Variants in TRIM60 observed in about 807,000 individuals in gnomAD.
TRIM60 encodes tripartite motif containing 60.
For missense variants in TRIM60, 524 were observed against 540.8 expected (o/e 0.97, Z 0.31); for synonymous variants, 189 against 195.2 (o/e 0.97, Z 0.27).
At chr4:165,033,729 C>T (rs1374573760) in intron 1 of TRIM60, among the ~76,000 whole-genome samples, 1 of 152,180 alleles carries the variant, frequency 6.6e-6, no homozygotes, top group Non-Finnish European at 1.5e-5. Flanking sequence ...ATGAACAGAA[C>T]TCAACTGTGA....
At chr4:165,039,804 CA>C (rs34594955) in intron 2 of TRIM60, among the ~76,000 whole-genome samples, 32,521 of 83,392 alleles carry the variant, frequency 0.39, 3,328 homozygotes, top group Middle Eastern at 0.51. Flanking sequence ...GACTCCGTCT[CA>C]AAAAAAAAAA....
chr4:165,034,373 C>G (rs190935239), intron 1 of TRIM60, among the ~76,000 whole-genome samples: 80 of 152,192 alleles, frequency 5.3e-4, no homozygotes, highest in African/African-American at 1.9e-3. Context: ...AGGCTGGTCT[C>G]GAACTCCAGA....
intron 1 of TRIM60, among the ~76,000 whole-genome samples, chr4:165,037,280 G>C (rs931335557): frequency 2.0e-5 from 3 of 152,168 alleles, no homozygotes; most frequent in African/African-American, 7.2e-5. Flanking sequence ...ACACCAGTTA[G>C]TATTAGGACT....
chr4:165,038,806 G>T (rs901678515), intron 1 of TRIM60, among the ~76,000 whole-genome samples: 5 of 152,014 alleles, frequency 3.3e-5, no homozygotes, highest in Non-Finnish European at 5.9e-5. Context: ...AGGTGCGGTG[G>T]CTCACACCTG....
chr4:165,035,728 CT>C (rs60082479), intron 1 of TRIM60, among the ~76,000 whole-genome samples: 8,545 of 143,240 alleles, frequency 0.06, 633 homozygotes, highest in African/African-American at 0.18. Context: ...TTTTTTCTTT[CT>C]TTTTTTTTTT....
rs201640770 is a variant in TRIM60 at position 165,040,312 on chromosome 4, A to G, written c.240A>G (p.Gln80=). ...QLRNLTEIAK[Q]LQIRRSKRKR... ...GTAATTTGACTGAAATTGCTAAACA[A>G]CTCCAGATTAGGAGGAGCAAGAGAA... Residue 80 remains glutamine (Q), a synonymous_variant, in exon 3 of 3, where the codon CAA becomes CAG. Coordinates refer to ENST00000512596, the MANE Select transcript of TRIM60 (RefSeq NM_152620.3). 3 of 1,614,100 alleles carry G rather than the reference A, an allele frequency of 1.9e-6. No individual in the cohort carries two copies. Among genetic ancestry groups the G allele is most frequent in the Admixed American group, 1.7e-5 (1 of 60,008 alleles).
chr4:165,038,593 G>A (rs1212724938), intron 1 of TRIM60, among the ~76,000 whole-genome samples: 2 of 144,534 alleles, frequency 1.4e-5, no homozygotes, highest in African/African-American at 2.6e-5. Context: ...AAGAACCATG[G>A]TCATACCACT....
intron 1 of TRIM60, among the ~76,000 whole-genome samples, chr4:165,032,327 C>T (rs1389652426): frequency 1.3e-5 from 2 of 152,236 alleles, no homozygotes; most frequent in East Asian, 3.9e-4. Flanking sequence ...CGCCTCACTG[C>T]AACCTCCGCC....
intron 1 of TRIM60, 103 bp downstream of exon 1, chr4:165,032,215 T>A (rs184596978): frequency 2.6e-5 from 4 of 152,150 alleles, no homozygotes; most frequent in Admixed American, 2.6e-4. Flanking sequence ...AACCTCGGGG[T>A]CGCGACCTGT....
chr4:165,034,401 C>G (rs909943727), intron 1 of TRIM60, among the ~76,000 whole-genome samples: 4 of 152,174 alleles, frequency 2.6e-5, no homozygotes, highest in Non-Finnish European at 5.9e-5. Flanking sequence ...ATCCACCCAC[C>G]TCGGCCTCCC....
intron 1 of TRIM60, among the ~76,000 whole-genome samples, chr4:165,032,729 G>A (rs530435392): frequency 6.6e-6 from 1 of 152,238 alleles, no homozygotes; most frequent in Non-Finnish European, 1.5e-5. Context: ...GTCTCCTTCC[G>A]TCCTCACAAG....
chr4:165,032,080 ATCAGGCCTGAGCCG>A lies in TRIM60; in HGVS notation c.-88_-75del, dbSNP rs1733512689. ...CGGGGTTCCATGGGTCCTGCACAGC[ATCAGGCCTGAGCCG>A]CCGGTCCAACTGCTCCAGGTAAGCT... On this transcript the variant is annotated 5_prime_UTR_variant, in exon 1 of 3. It removes the in-frame stop codon of an upstream open reading frame in the 5' UTR. Transcript: ENST00000512596. The A allele has an allele frequency of 6.6e-6, 1 of 152,356 alleles. No individual in the cohort carries two copies. Among genetic ancestry groups the A allele is most frequent in the African/African-American group, 2.4e-5 (1 of 41,472 alleles). 9.4% of individuals were successfully genotyped at this position (152,356 alleles called of 1,614,324 possible).
At chr4:165,038,315 C>A (rs1217514113) in intron 1 of TRIM60, among the ~76,000 whole-genome samples, 5 of 152,078 alleles carry the variant, frequency 3.3e-5, no homozygotes, top group African/African-American at 1.2e-4. Flanking sequence ...TTGTCCTATA[C>A]TATCTACTTT....
Position 165,040,817 on chromosome 4 carries a change from C to T in TRIM60, c.745C>T (p.Leu249=). The part of the protein sequence containing the change: ...GKSVQSNLEL[L]TQAKSMHHKY... ...GTCTGTGCAGTCAAACCTGGAATTA[C>T]TGACACAAGCTAAGAGTATGCACCA... Residue 249 remains leucine, a synonymous_variant, in exon 3 of 3, where the codon CTG becomes TTG. Coordinates refer to ENST00000512596, the MANE Select transcript of TRIM60 (RefSeq NM_152620.3). 1 of 1,614,182 alleles carries T rather than the reference C, an allele frequency of 6.2e-7. No individual in the cohort carries two copies. The highest frequency in any genetic ancestry group is 8.5e-7 in the Non-Finnish European group (1 of 1,180,030).
intron 1 of TRIM60, among the ~76,000 whole-genome samples, chr4:165,034,800 C>T (rs946398875): frequency 7.9e-5 from 12 of 152,168 alleles, no homozygotes; most frequent in Non-Finnish European, 1.6e-4. Flanking sequence ...CATTTTCTGC[C>T]CGACTACTGC....
chr4:165,033,412 C>T (rs956303340), intron 1 of TRIM60, among the ~76,000 whole-genome samples: 2 of 152,164 alleles, frequency 1.3e-5, no homozygotes, highest in Non-Finnish European at 2.9e-5. Flanking sequence ...CTGTACTCTC[C>T]AGTGTCCTTA....
chr4:165,032,947 C>T (rs1476730242), intron 1 of TRIM60, among the ~76,000 whole-genome samples: 1 of 151,376 alleles, frequency 6.6e-6, no homozygotes. Flanking sequence ...ATGAGGAGGC[C>T]GATGCGGGAG....
rs1733733038 is a variant in TRIM60 at position 165,040,537 on chromosome 4, A to G, written c.465A>G (p.Ile155Met). Residue 155 changes from isoleucine (I) to methionine (M), a missense_variant, in exon 3 of 3, where the codon ATA becomes ATG. Coordinates refer to ENST00000512596, the MANE Select transcript of TRIM60 (RefSeq NM_152620.3). ...EGSLEPLRNN[I>M]ERVEKVIILQ... is the part of the protein sequence containing the mutation. ...GCCTTGAGCCCTTGAGGAATAATAT[A>G]GAACGAGTTGAAAAAGTGATAATTC... 1 of 1,614,130 alleles carries G rather than the reference A, an allele frequency of 6.2e-7. No homozygotes were observed. The highest frequency in any genetic ancestry group is 8.5e-7 in the Non-Finnish European group (1 of 1,180,018).
chr4:165,038,640 C>CA (rs34680036), intron 1 of TRIM60, among the ~76,000 whole-genome samples: 1,236 of 64,306 alleles, frequency 0.019, 27 homozygotes, highest in East Asian at 0.19. Context: ...GACCCTGTCT[C>CA]AAAAAAAAAA....
Sources: allele counts gnomAD v4.1 joint callset (sites outside exome capture counted in the v4.1 genomes callset), GRCh38; gene constraint gnomAD v4.1.1; transcripts MANE v1.5; gene names NCBI Gene and HGNC (gene_info 2026-07-23, HGNC 2026-07-21).